ARHGEF6: variants seen among roughly 807,000 people sequenced by gnomAD.
ARHGEF6 encodes the protein rho guanine nucleotide exchange factor 6.
A neutral mutation model predicts 70.3 loss-of-function variants in ARHGEF6; 9 were observed. The observed-to-expected ratio is 0.13, with a 90% CI of 0.08 to 0.22. The LOEUF is 0.22. ARHGEF6 is among the 10% of genes least tolerant of loss of function. The probability of loss-of-function intolerance (pLI) is 1.00; values close to 1 mark genes in which losing one functional copy is unlikely to be tolerated. For synonymous variants in ARHGEF6, 201 were observed against 207.8 expected, an observed-to-expected ratio of 0.97 and a Z score of 0.28; for missense variants, 470 against 563.0, an observed-to-expected ratio of 0.83 and a Z score of 1.67.
At position 136,780,902 on chromosome X, in the gene ARHGEF6, C is replaced by A; in HGVS notation, c.-20G>T. 1 of 1,211,201 alleles carries A rather than the reference C, an allele frequency of 8.3e-7. No homozygotes were observed. The highest frequency in any genetic ancestry group is 1.1e-6 in the Non-Finnish European group (1 of 895,322). ...ATTCATTACTGAGGACGGTACACTC[C>A]AAACAGCACTCTGGGGCAGCTGCAA... On this transcript the variant is annotated 5_prime_UTR_variant, in exon 1 of 22. Coordinates refer to ENST00000250617, the MANE Select transcript of ARHGEF6 (RefSeq NM_004840.3).
At chrX:136,751,493 T>A (rs1406986109) in intron 2 of ARHGEF6, among the ~76,000 whole-genome samples, 1 of 111,935 alleles carries the variant, frequency 8.9e-6, no homozygotes, top group Non-Finnish European at 1.9e-5. Context: ...CGCTTGGACA[T>A]CACATACATA....
chrX:136,753,340 A>G (rs1051894072), intron 2 of ARHGEF6, among the ~76,000 whole-genome samples: 3 of 112,218 alleles, frequency 2.7e-5, no homozygotes, highest in African/African-American at 6.5e-5. Context: ...TTTGACTCCA[A>G]TCTCAGCTTT....
At chrX:136,725,873 A>T (rs766851925) in intron 6 of ARHGEF6, among the ~76,000 whole-genome samples, 14 of 112,280 alleles carry the variant, frequency 1.2e-4, no homozygotes, top group African/African-American at 4.5e-4. Context: ...GGCTTTTGCT[A>T]CCACCATCCT....
chrX:136,765,840 A>AG (rs1453223740), intron 2 of ARHGEF6, among the ~76,000 whole-genome samples: 6 of 112,601 alleles, frequency 5.3e-5, no homozygotes, highest in African/African-American at 1.9e-4. Context: ...ATCCTTTACA[A>AG]GGGCACGGGG....
chrX:136,702,254 T>A (rs1342725465), intron 9 of ARHGEF6, among the ~76,000 whole-genome samples: 2 of 111,618 alleles, frequency 1.8e-5, no homozygotes, highest in African/African-American at 6.5e-5. Flanking sequence ...TAAAATTTTT[T>A]AAAGGGAGTA....
chrX:136,766,179 T>C (rs2077311780), intron 2 of ARHGEF6, among the ~76,000 whole-genome samples: 1 of 112,332 alleles, frequency 8.9e-6, no homozygotes, highest in Non-Finnish European at 1.9e-5. Flanking sequence ...AGTCACAGAA[T>C]TCCAGACTGT....
At chrX:136,708,575 T>C in intron 8 of ARHGEF6, 100 bp downstream of exon 8, 2 of 692,613 alleles carry the variant, frequency 2.9e-6, no homozygotes, top group South Asian at 4.5e-5. Context: ...TAACAAATAC[T>C]TAACTATGAA....
chrX:136,684,566 C>T (rs947398341), intron 12 of ARHGEF6, among the ~76,000 whole-genome samples: 2 of 110,292 alleles, frequency 1.8e-5, no homozygotes, highest in Non-Finnish European at 3.8e-5. Context: ...CCCCACCCCC[C>T]GGGCTTCTCT....
intron 2 of ARHGEF6, among the ~76,000 whole-genome samples, chrX:136,763,336 A>C (rs978851120): frequency 1.8e-5 from 2 of 112,416 alleles, no homozygotes; most frequent in East Asian, 2.8e-4. Context: ...GATAAGTAAA[A>C]GCAATTAGGC....
rs747530973 is a variant in ARHGEF6, at chrX:136,666,877, A to G, written c.*1152T>C. 3.6e-5 allele frequency: 4 copies of G among 112,307 alleles called. No homozygotes were observed. In the East Asian group the frequency reaches 1.1e-3, roughly 31 times the overall value. 9.3% of individuals were successfully genotyped at this position (112,307 alleles called of 1,213,427 possible). A position where few individuals can be genotyped will look rare whatever the true frequency, so the allele number is the denominator to read the frequency against. On this transcript the variant is annotated 3_prime_UTR_variant, in exon 22 of 22. Transcript: ENST00000250617. ...AGAGGGGCCCTTTTGTTCTGGATGTACAAGTTGGACCAGAAGCATATTTCT... is the reference window on the plus strand; with the variant it reads ...AGAGGGGCCCTTTTGTTCTGGATGTGCAAGTTGGACCAGAAGCATATTTCT...
chrX:136,704,941 G>T (rs2037331205), intron 9 of ARHGEF6, among the ~76,000 whole-genome samples: 1 of 112,173 alleles, frequency 8.9e-6, no homozygotes, highest in African/African-American at 3.2e-5. Context: ...TGTTTGGTGA[G>T]GGTGTGGAGA....
intron 5 of ARHGEF6, among the ~76,000 whole-genome samples, chrX:136,742,708 C>T (rs1205590284): frequency 8.9e-6 from 1 of 111,779 alleles, no homozygotes; most frequent in Non-Finnish European, 1.9e-5. Context: ...GGCACAGTGG[C>T]TTATGCCTGT....
intron 7 of ARHGEF6, among the ~76,000 whole-genome samples, chrX:136,711,115 T>A (rs2076680456): frequency 8.9e-6 from 1 of 112,099 alleles, no homozygotes; most frequent in Non-Finnish European, 1.9e-5. Context: ...TACAGAGTTT[T>A]CTCAAAGCTA....
intron 15 of ARHGEF6, 100 bp downstream of exon 15, chrX:136,680,631 A>C (rs2076323812): frequency 1.0e-6 from 1 of 1,003,663 alleles, no homozygotes; most frequent in Non-Finnish European, 1.4e-6. Context: ...TAGGCTGCCC[A>C]AAAGACTAAG....
chrX:136,762,577 C>A (rs928646482), intron 2 of ARHGEF6, among the ~76,000 whole-genome samples: 2 of 111,456 alleles, frequency 1.8e-5, no homozygotes, highest in African/African-American at 6.5e-5. Flanking sequence ...CTGCAACCTC[C>A]ACCTCCCAGG....
chrX:136,758,111 C>T (rs1210671196), intron 2 of ARHGEF6, among the ~76,000 whole-genome samples: 4 of 76,589 alleles, frequency 5.2e-5, no homozygotes, highest in Non-Finnish European at 6.7e-5. Flanking sequence ...AGTGCAGTGG[C>T]GCCATCTCGG....
At chrX:136,767,315 C>G (rs2077325988) in intron 2 of ARHGEF6, 1 of 754,744 alleles carries the variant, frequency 1.3e-6, no homozygotes, top group African/African-American at 2.3e-5. Context: ...GGACCCTGCC[C>G]TGAGCGCGGC....
chrX:136,745,176 A>G (rs779890994), intron 4 of ARHGEF6, 47 bp downstream of exon 4: 21 of 1,201,985 alleles, frequency 1.7e-5, no homozygotes, highest in Non-Finnish European at 2.3e-5. Context: ...ATATCAATCT[A>G]ATTTTATGGA....
At chrX:136,724,504 T>C (rs2148636036) in intron 6 of ARHGEF6, among the ~76,000 whole-genome samples, 1 of 111,618 alleles carries the variant, frequency 9.0e-6, no homozygotes, top group Non-Finnish European at 1.9e-5. Flanking sequence ...TGTTTGATTG[T>C]TTTTGAGACA....
Sources: allele counts gnomAD v4.1 joint callset (sites outside exome capture counted in the v4.1 genomes callset), GRCh38; gene constraint gnomAD v4.1.1; transcripts MANE v1.5; gene names NCBI Gene and HGNC (gene_info 2026-07-23, HGNC 2026-07-21).